Variants in CTNNA2 observed in about 807,000 individuals in gnomAD.
CTNNA2 encodes catenin alpha 2.
CTNNA2 carries 42 observed loss-of-function variants against 101.0 expected under a neutral mutation model. The ratio of observed to expected loss-of-function variants is 0.42; its 90% CI spans 0.32 to 0.54. The LOEUF is 0.54. CTNNA2 is among the 20% of genes least tolerant of loss of function. The probability of loss-of-function intolerance (pLI) is 0.14; values close to 1 mark genes in which losing one functional copy is unlikely to be tolerated. For synonymous variants in CTNNA2, 450 were observed against 456.4 expected (o/e 0.99, Z 0.18); for missense variants, 871 against 1,223.1 (o/e 0.71, Z 4.29).
intron 3 of CTNNA2, among the ~76,000 whole-genome samples, chr2:79,331,471 T>C (rs1676871001): frequency 2.0e-5 from 3 of 152,180 alleles, no homozygotes. Context: ...TTTGAAAATC[T>C]CTTTCCCTAA....
chr2:79,202,053 T>C (rs1487090720), intron 2 of CTNNA2, among the ~76,000 whole-genome samples: 1 of 152,212 alleles, frequency 6.6e-6, no homozygotes, highest in Non-Finnish European at 1.5e-5. Context: ...TTGTAATCTT[T>C]TGAGTCCTTG....
chr2:79,421,377 G>A (rs1309919888), intron 4 of CTNNA2, among the ~76,000 whole-genome samples: 1 of 152,108 alleles, frequency 6.6e-6, no homozygotes, highest in Non-Finnish European at 1.5e-5. Context: ...AAGAAATATT[G>A]GGATAGGCTG....
intron 7 of CTNNA2, among the ~76,000 whole-genome samples, chr2:79,923,694 A>G (rs1450952943): frequency 6.6e-6 from 1 of 152,088 alleles, no homozygotes; most frequent in East Asian, 1.9e-4. Flanking sequence ...ACTAAAATGA[A>G]TTCCTCCTGT....
At chr2:79,361,348 A>G (rs1466509735) in intron 3 of CTNNA2, among the ~76,000 whole-genome samples, 2 of 152,218 alleles carry the variant, frequency 1.3e-5, no homozygotes, top group Non-Finnish European at 2.9e-5. Context: ...CTTCATCACA[A>G]TGAATAGGAA....
intron 2 of CTNNA2, among the ~76,000 whole-genome samples, chr2:79,699,835 G>C (rs1421883912): frequency 4.3e-5 from 6 of 140,536 alleles, no homozygotes; most frequent in Non-Finnish European, 9.3e-5. Flanking sequence ...ACACACACGT[G>C]TGTGTATATA....
At chr2:79,584,996 C>T (rs908732338) in intron 1 of CTNNA2, among the ~76,000 whole-genome samples, 21 of 152,136 alleles carry the variant, frequency 1.4e-4, no homozygotes, top group African/African-American at 4.3e-4. Flanking sequence ...CTTGAGAACA[C>T]GCAGTTTTTC....
intron 7 of CTNNA2, among the ~76,000 whole-genome samples, chr2:80,383,541 A>G (rs1451879823): frequency 1.3e-5 from 2 of 152,162 alleles, no homozygotes; most frequent in Non-Finnish European, 2.9e-5. Context: ...CACACTACCT[A>G]CATGAAAGAT....
chr2:79,921,604 C>A (rs1278685907), intron 7 of CTNNA2, among the ~76,000 whole-genome samples: 1 of 152,162 alleles, frequency 6.6e-6, no homozygotes, highest in Non-Finnish European at 1.5e-5. Flanking sequence ...TATAAAAGGT[C>A]ATTTTTTATC....
chr2:80,218,607 G>A (rs998520445), intron 7 of CTNNA2, among the ~76,000 whole-genome samples: 1 of 152,168 alleles, frequency 6.6e-6, no homozygotes, highest in African/African-American at 2.4e-5. Flanking sequence ...CCCTCTATTA[G>A]GCTCAGTTCT....
intron 2 of CTNNA2, among the ~76,000 whole-genome samples, chr2:79,702,119 T>C (rs1402629225): frequency 6.6e-6 from 1 of 151,774 alleles, no homozygotes; most frequent in South Asian, 2.1e-4. Flanking sequence ...AAGTCTTTCA[T>C]TCTGTGGAAT....
At chr2:80,589,153 C>G in intron 14 of CTNNA2, 151 bp from the exon 15 acceptor site, 1 of 755,528 alleles carries the variant, frequency 1.3e-6, no homozygotes. Flanking sequence ...CGTGGCCTCC[C>G]TGGAATGGAG....
chr2:80,210,902 G>A (rs1197494786), intron 7 of CTNNA2, among the ~76,000 whole-genome samples: 2 of 151,940 alleles, frequency 1.3e-5, no homozygotes, highest in African/African-American at 2.4e-5. Flanking sequence ...TTTAATAATC[G>A]CCATTCTAAC....
intron 7 of CTNNA2, among the ~76,000 whole-genome samples, chr2:80,374,499 G>C (rs1233394296): frequency 6.6e-6 from 1 of 151,982 alleles, no homozygotes; most frequent in Non-Finnish European, 1.5e-5. Flanking sequence ...TTGCTGTTGT[G>C]AATAAGATGG....
intron 3 of CTNNA2, among the ~76,000 whole-genome samples, chr2:79,786,011 G>T (rs1268549620): frequency 6.6e-6 from 1 of 152,188 alleles, no homozygotes; most frequent in Admixed American, 6.6e-5. Flanking sequence ...CAGGAGAGAA[G>T]ATCCCAATCT....
intron 2 of CTNNA2, among the ~76,000 whole-genome samples, chr2:79,203,511 T>C (rs1674063773): frequency 6.6e-6 from 1 of 152,156 alleles, no homozygotes; most frequent in Admixed American, 6.5e-5. Flanking sequence ...AAGACACAGT[T>C]TGCATATCCA....
chr2:79,916,823 C>T (rs931147671), intron 7 of CTNNA2, among the ~76,000 whole-genome samples: 1 of 151,756 alleles, frequency 6.6e-6, no homozygotes, highest in Admixed American at 6.6e-5. Flanking sequence ...GGGGTTTCAC[C>T]CGTGTTAGCG....
At chr2:79,212,202 G>A (rs895068426) in intron 2 of CTNNA2, among the ~76,000 whole-genome samples, 2 of 152,154 alleles carry the variant, frequency 1.3e-5, no homozygotes, top group African/African-American at 4.8e-5. Flanking sequence ...ATGACTTGGA[G>A]AAACAGTGTA....
intron 3 of CTNNA2, among the ~76,000 whole-genome samples, chr2:79,347,946 T>G (rs1677299087): frequency 6.6e-6 from 1 of 152,078 alleles, no homozygotes; most frequent in African/African-American, 2.4e-5. Flanking sequence ...GTCAGGATAC[T>G]TGGCACACCC....
At chr2:80,144,295 T>C (rs1437734524) in intron 7 of CTNNA2, among the ~76,000 whole-genome samples, 2 of 152,132 alleles carry the variant, frequency 1.3e-5, no homozygotes, top group Non-Finnish European at 2.9e-5. Flanking sequence ...TCCCCATAGA[T>C]GCACCTGGTT....
Sources: gnomAD v4.1 joint callset for allele counts (sites outside exome capture counted in the v4.1 genomes callset) on GRCh38, gnomAD v4.1.1 for gene constraint, MANE v1.5 for transcripts, NCBI Gene and HGNC (gene_info 2026-07-23, HGNC 2026-07-21) for gene names.